ZNF506: variants seen among roughly 807,000 people sequenced by gnomAD.
The protein encoded by ZNF506 is zinc finger protein 506.
ZNF506 carries 10 observed loss-of-function variants against 11.6 expected under a neutral mutation model. The ratio of observed to expected loss-of-function variants is 0.86; its 90% confidence interval spans 0.53 to 1.46. The LOEUF (loss-of-function observed/expected upper bound fraction) is 1.46. Ranked by LOEUF, ZNF506 falls within the 40% of genes most tolerant of loss-of-function variation. The pLI is 0.00. For missense variants in ZNF506, 425 were observed against 521.2 expected, an observed-to-expected ratio of 0.82 and a Z score of 1.80; for synonymous variants, 156 against 173.3, an observed-to-expected ratio of 0.90 and a Z score of 0.78.
intron 1 of ZNF506, among the ~76,000 whole-genome samples, chr19:19,814,052 T>TA (rs890845631): frequency 1.3e-4 from 20 of 150,244 alleles, no homozygotes; most frequent in African/African-American, 3.4e-4. Context: ...CTGTGGCCAC[T>TA]AAAAAAAAAG....
intron 3 of ZNF506, among the ~76,000 whole-genome samples, chr19:19,804,694 C>T (rs188140945): frequency 4.9e-4 from 74 of 152,260 alleles, no homozygotes; most frequent in African/African-American, 1.6e-3. Flanking sequence ...AAATGTCCAT[C>T]AATGACAGAC....
chr19:19,814,410 A>AAAT lies in ZNF506; in HGVS notation c.3+7188_3+7190dup, dbSNP rs59922058. On this transcript the variant is annotated intron_variant, in intron 1 of 3. Transcript: ENST00000540806. ...GCAGCAAGTGCAAAACTCCATCTCA[A>AAAT]AATAATAATAATAATAATAATAATA... Among the ~76,000 whole-genome samples the AAAT allele has an allele frequency of 3.6e-3, 519 of 144,136 alleles. 1 individual carries two copies. The highest frequency in any genetic ancestry group is 0.01 in the Middle Eastern group (3 of 290). The allele number at this position is 144,136 out of a possible 152,430, so 94.6% of individuals were successfully genotyped here.
intron 1 of ZNF506, among the ~76,000 whole-genome samples, chr19:19,815,059 C>G (rs992549168): frequency 6.6e-6 from 1 of 152,118 alleles, no homozygotes; most frequent in Non-Finnish European, 1.5e-5. Flanking sequence ...AGATCGAGAC[C>G]ATCCTGGCTA....
rs977485593 is a variant in ZNF506, at chr19:19,793,798, C to T, written c.*754G>A. 6.6e-6 allele frequency: 1 copy of T among 152,204 alleles called. No individual in the cohort carries two copies. The highest frequency in any genetic ancestry group is 2.4e-5 in the African/African-American group (1 of 41,426). 9.4% of individuals were successfully genotyped at this position (152,204 alleles called of 1,614,324 possible). Reference sequence around the variant, plus strand: ...CTCAAAAGTTTTGCCACATTCTTCACACTTGTAGGAGTTTTGGCAGCATTA... The same window carrying T: ...CTCAAAAGTTTTGCCACATTCTTCATACTTGTAGGAGTTTTGGCAGCATTA... On this transcript the variant is annotated 3_prime_UTR_variant, in exon 4 of 4. Coordinates refer to ENST00000540806, the MANE Select transcript of ZNF506 (RefSeq NM_001099269.3).
chr19:19,810,282 C>G (rs2062873793), intron 1 of ZNF506, among the ~76,000 whole-genome samples: 1 of 152,226 alleles, frequency 6.6e-6, no homozygotes, highest in Non-Finnish European at 1.5e-5. Flanking sequence ...GACAACCCAT[C>G]TCCATCCTAA....
chr19:19,810,291 A>C (rs897166237), intron 1 of ZNF506, among the ~76,000 whole-genome samples: 1 of 152,196 alleles, frequency 6.6e-6, no homozygotes, highest in African/African-American at 2.4e-5. Context: ...TCTCCATCCT[A>C]AAGTTTTATA....
chr19:19,804,321 C>T (rs1485447347), intron 3 of ZNF506, among the ~76,000 whole-genome samples: 1 of 152,182 alleles, frequency 6.6e-6, no homozygotes, highest in Non-Finnish European at 1.5e-5. Context: ...AGCCAACAGA[C>T]ACATGAAAAA....
At position 19,795,071 on chromosome 19, in the gene ZNF506, A is replaced by G. The variant is rs754025762; in HGVS notation, c.816T>C (p.Leu272=). ...CGKAFNHPAT[L]FSHKKIHTGE... ...CAGTATGAATTTTCTTATGTGAAAAAAGGGTTGCAGGGTGGTTAAAAGCTT... is the reference window on the plus strand; with the variant it reads ...CAGTATGAATTTTCTTATGTGAAAAGAGGGTTGCAGGGTGGTTAAAAGCTT... Residue 272 remains leucine (L), a synonymous_variant, in exon 4 of 4, where the codon CTT becomes CTC. Coordinates refer to ENST00000540806, the MANE Select transcript of ZNF506 (RefSeq NM_001099269.3). 3.7e-6 allele frequency: 6 copies of G among 1,613,760 alleles called. No individual in the cohort carries two copies. The Middle Eastern group carries it at 6.6e-4, about 178-fold the overall frequency.
At chr19:19,805,430 TG>T (rs1361043233) in intron 3 of ZNF506, among the ~76,000 whole-genome samples, 7 of 151,644 alleles carry the variant, frequency 4.6e-5, no homozygotes, top group Admixed American at 1.3e-4. Context: ...AAAATTGCAG[TG>T]TTTTTTTTTC....
At chr19:19,804,076 T>C (rs1290547859) in intron 3 of ZNF506, among the ~76,000 whole-genome samples, 1 of 151,984 alleles carries the variant, frequency 6.6e-6, no homozygotes, top group Non-Finnish European at 1.5e-5. Flanking sequence ...AAAGCCAAAA[T>C]AGACAAATGG....
Position 19,795,785 on chromosome 19 carries a change from G to GT in ZNF506, c.227-126dup, listed in dbSNP as rs958156321. 3 of 931,112 alleles carry GT rather than the reference G, an allele frequency of 3.2e-6. No individual in the cohort carries two copies. In the African/African-American group the frequency reaches 5.2e-5, roughly 16 times the overall value. 57.7% of individuals were successfully genotyped at this position (931,112 alleles called of 1,614,324 possible). On this transcript the variant is annotated intron_variant, in intron 3 of 3. Coordinates refer to ENST00000540806, the MANE Select transcript of ZNF506 (RefSeq NM_001099269.3). ...ATGACACAGCAAAATACCACAAGCT[G>GT]TAATTTCTTCCTGGATATATAACTG...
intron 3 of ZNF506, chr19:19,798,684 T>G (rs865929570): frequency 8.5e-6 from 1 of 117,276 alleles, no homozygotes; most frequent in Admixed American, 8.2e-5. Flanking sequence ...AAAGAAAATA[T>G]CCGTATAGAT....
intron 1 of ZNF506, among the ~76,000 whole-genome samples, chr19:19,815,039 C>T (rs963779136): frequency 5.9e-5 from 9 of 152,026 alleles, no homozygotes; most frequent in Non-Finnish European, 7.4e-5. Context: ...AGGAGGATCA[C>T]GAGGTCAGGA....
At position 19,795,089 on chromosome 19, in the gene ZNF506, A is replaced by C; in HGVS notation, c.798T>G (p.Phe266Leu). 1.2e-6 allele frequency: 2 copies of C among 1,613,866 alleles called. No individual in the cohort carries two copies. The highest frequency in any genetic ancestry group is 1.7e-6 in the Non-Finnish European group (2 of 1,179,924). Residue 266 changes from phenylalanine (F) to leucine (L), a missense_variant, in exon 4 of 4, where the codon TTT (phenylalanine) becomes TTG (leucine). Coordinates refer to ENST00000540806, the MANE Select transcript of ZNF506 (RefSeq NM_001099269.3). Reference sequence around the variant, plus strand: ...GTGAAAAAAGGGTTGCAGGGTGGTTAAAAGCTTTGCCACATTCTCTACATC... The same window carrying C: ...GTGAAAAAAGGGTTGCAGGGTGGTTCAAAGCTTTGCCACATTCTCTACATC... ...PYRCRECGKA[F>L]NHPATLFSHK...
intron 3 of ZNF506, 149 bp downstream of exon 3, chr19:19,805,882 A>T: frequency 1.5e-6 from 1 of 676,406 alleles, no homozygotes; most frequent in East Asian, 3.0e-5. Context: ...AATTAAAAGA[A>T]AAAAGAAAAG....
chr19:19,820,053 C>T (rs183097969), intron 1 of ZNF506, among the ~76,000 whole-genome samples: 132 of 151,716 alleles, frequency 8.7e-4, no homozygotes, highest in African/African-American at 3.0e-3. Context: ...GGTGAGATCG[C>T]CCCACTGCAC....
At chr19:19,821,543 C>T (rs966775536) in intron 1 of ZNF506, 58 bp downstream of exon 1, 4 of 1,612,722 alleles carry the variant, frequency 2.5e-6, no homozygotes, top group Non-Finnish European at 3.4e-6. Flanking sequence ...CAGCCACTTC[C>T]TCCCCAGTTC....
In ZNF506 at chr19:19,808,108, C is replaced by CTTTTTTTTTTTTTTTT. The variant is rs757160026; in HGVS notation, c.4-1056_4-1041dup. Among the ~76,000 whole-genome samples, 21 of 56,772 alleles carry CTTTTTTTTTTTTTTTT rather than the reference C, an allele frequency of 3.7e-4. 7 individuals carry two copies. Among genetic ancestry groups the CTTTTTTTTTTTTTTTT allele is most frequent in the African/African-American group, 6.2e-4 (8 of 12,970 alleles). 37.2% of individuals were successfully genotyped at this position (56,772 alleles called of 152,430 possible). On this transcript the variant is annotated intron_variant, in intron 1 of 3. Coordinates refer to ENST00000540806, the MANE Select transcript of ZNF506 (RefSeq NM_001099269.3). The stretch of plus-strand genomic sequence containing the variant: ...ACTTAACCAAGTGAATCATTAACCA[C>CTTTTTTTTTTTTTTTT]TTTTTTTTTTTTTTTTTTTTTTTTT...
At chr19:19,795,898 A>C in intron 3 of ZNF506, 1 of 472,698 alleles carries the variant, frequency 2.1e-6, no homozygotes, top group South Asian at 2.2e-5. Context: ...CACAATGCAA[A>C]GAGCCACATA....
Sources: allele counts gnomAD v4.1 joint callset (sites outside exome capture counted in the v4.1 genomes callset), GRCh38; gene constraint gnomAD v4.1.1; transcripts MANE v1.5; gene names NCBI Gene and HGNC (gene_info 2026-07-23, HGNC 2026-07-21).